Variants in RBM47 observed in about 807,000 individuals in gnomAD.
The protein encoded by RBM47 is RNA-binding protein 47.
Under a neutral mutation model 47.1 loss-of-function variants are expected in RBM47, and 21 were observed. That is an observed-to-expected ratio of 0.45 (90% CI 0.32 to 0.64). The LOEUF (loss-of-function observed/expected upper bound fraction) is 0.64, where lower values mean the gene tolerates loss of function less well. Among genes scored for constraint, RBM47 ranks in the 30% least tolerant of loss-of-function variants. The probability of loss-of-function intolerance (pLI) is 0.05; values close to 1 mark genes in which losing one functional copy is unlikely to be tolerated. For synonymous variants in RBM47, 375 were observed against 361.7 expected (o/e 1.04, Z -0.42); for missense variants, 708 against 870.9 (o/e 0.81, Z 2.35).
rs548035770 is a variant in RBM47 at position 40,456,685 on chromosome 4, CCTCTCAGG to C, written c.-32+9884_-32+9891del. Among the ~76,000 whole-genome samples, 348 of 151,082 alleles carry C rather than the reference CCTCTCAGG, an allele frequency of 2.3e-3. 1 individual carries two copies. The highest frequency in any genetic ancestry group is 3.6e-3 in the Non-Finnish European group (246 of 67,840). Reference sequence around the variant, plus strand: ...GGCTCAAGCAATCCTCCTACCTCGACCTCTCAGGCTCAAGGGATCCTCTCACCTCAGCC... The same window carrying C: ...GGCTCAAGCAATCCTCCTACCTCGACCTCAAGGGATCCTCTCACCTCAGCC... On this transcript the variant is annotated intron_variant, in intron 3 of 6. Coordinates refer to ENST00000295971, the MANE Select transcript of RBM47 (RefSeq NM_001098634.2).
At chr4:40,592,357 A>AT (rs1342111258) in intron 1 of RBM47, among the ~76,000 whole-genome samples, 1 of 150,352 alleles carries the variant, frequency 6.7e-6, no homozygotes, top group East Asian at 1.9e-4. Context: ...TGGACTCAGC[A>AT]GTCGTCCCAC....
rs151280250 is a variant in RBM47, at chr4:40,567,837, A to G, written c.-239-23331T>C. The stretch of plus-strand genomic sequence containing the variant: ...CAGAGGCCACAAATCTAATATCACA[A>G]TATCATTGATAAAGTTATGCTTTAT... On this transcript the variant is annotated intron_variant, in intron 1 of 6. Transcript: ENST00000295971. 2.6e-5 allele frequency among the ~76,000 whole-genome samples: 4 copies of G among 152,062 alleles called. No homozygotes were observed. In the East Asian group the frequency reaches 5.8e-4, roughly 22 times the overall value.
chr4:40,600,099 C>T (rs1043895087), intron 1 of RBM47, among the ~76,000 whole-genome samples: 1 of 152,064 alleles, frequency 6.6e-6, no homozygotes, highest in Admixed American at 6.6e-5. Context: ...CCTTGACCTC[C>T]TGGGCTCAAA....
chr4:40,518,158 CTTTTTTTTTTTTTTTTTTTTT>C (rs530465415), intron 2 of RBM47, among the ~76,000 whole-genome samples: 1 of 70,682 alleles, frequency 1.4e-5, no homozygotes, highest in African/African-American at 5.3e-5. Flanking sequence ...CTTTTCTTTT[CTTTTTTTTTTTTTTTTTTTTT>C]TTTTTTTGAG....
chr4:40,528,910 T>A (rs2154258713), intron 2 of RBM47, among the ~76,000 whole-genome samples: 1 of 151,280 alleles, frequency 6.6e-6, no homozygotes, highest in East Asian at 2.0e-4. Flanking sequence ...GCCACTGCAC[T>A]CCAGCCTGGG....
chr4:40,513,190 G>A (rs1396068843), intron 2 of RBM47, among the ~76,000 whole-genome samples: 3 of 152,124 alleles, frequency 2.0e-5, no homozygotes, highest in Non-Finnish European at 4.4e-5. Flanking sequence ...TCTTCCAGCC[G>A]TTTTCAAATG....
At chr4:40,531,193 T>TA (rs1184044553) in intron 2 of RBM47, among the ~76,000 whole-genome samples, 1 of 151,864 alleles carries the variant, frequency 6.6e-6, no homozygotes. Context: ...CGATGCAGAT[T>TA]AAAAAAGGTG....
chr4:40,577,030 T>C (rs767284938), intron 1 of RBM47, among the ~76,000 whole-genome samples: 2 of 152,158 alleles, frequency 1.3e-5, no homozygotes, highest in Non-Finnish European at 2.9e-5. Context: ...AAAAAGGAGT[T>C]GCTCAAATAA....
Position 40,466,348 on chromosome 4 carries a change from CAT to C in RBM47, c.-32+227_-32+228del, listed in dbSNP as rs533661490. 2.1e-4 allele frequency among the ~76,000 whole-genome samples: 31 copies of C among 147,178 alleles called. No homozygotes were observed. In the East Asian group the frequency reaches 6.0e-3, roughly 28 times the overall value. On this transcript the variant is annotated intron_variant, in intron 3 of 6. Transcript: ENST00000295971. ...TTAAGGGTCAGATTTATAAGCAACA[CAT>C]AGTTATATCTTGTCTCTTAAGTCAC...
At chr4:40,615,844 G>A (rs925147886) in intron 1 of RBM47, among the ~76,000 whole-genome samples, 1 of 152,112 alleles carries the variant, frequency 6.6e-6, no homozygotes, top group Non-Finnish European at 1.5e-5. Flanking sequence ...TTTGGAAACT[G>A]AACCATCTTA....
intron 1 of RBM47, among the ~76,000 whole-genome samples, chr4:40,569,230 C>T (rs1308898275): frequency 6.6e-6 from 1 of 151,704 alleles, no homozygotes; most frequent in African/African-American, 2.4e-5. Flanking sequence ...CAGAGAATAC[C>T]ATAGAGTGAA....
intron 2 of RBM47, among the ~76,000 whole-genome samples, chr4:40,541,332 G>C (rs1414787075): frequency 6.6e-6 from 1 of 151,778 alleles, no homozygotes; most frequent in Non-Finnish European, 1.5e-5. Context: ...GAGAAGGCCA[G>C]TTCCATGGAA....
In RBM47 at chr4:40,628,714, C is replaced by T. The variant is rs933462802; in HGVS notation, c.-240+682G>A. Among the ~76,000 whole-genome samples the T allele has an allele frequency of 6.6e-6, 1 of 151,990 alleles. No homozygotes were observed. Among genetic ancestry groups the T allele is most frequent in the African/African-American group, 2.4e-5 (1 of 41,364 alleles). On this transcript the variant is annotated intron_variant, in intron 1 of 6. Transcript: ENST00000295971. The surrounding 1 kb of genome is among the most constrained non-coding windows in gnomAD (Gnocchi z 4.0). The stretch of plus-strand genomic sequence containing the variant: ...CAGGTCGGTAATGGCCTGTAAGTAC[C>T]TTGAAGATGGTATCTTCCTATCACT...
chr4:40,503,717 G>C lies in RBM47; in HGVS notation c.-154-37018C>G, dbSNP rs967299824. ...TGGAAAGCATGGAAGAGCCTAAGAGGGGGGAGAGAAGAATATATGTAAATA... is the reference window on the plus strand; with the variant it reads ...TGGAAAGCATGGAAGAGCCTAAGAGCGGGGAGAGAAGAATATATGTAAATA... On this transcript the variant is annotated intron_variant, in intron 2 of 6. Transcript: ENST00000295971. Among the ~76,000 whole-genome samples, 8 of 151,966 alleles carry C rather than the reference G, an allele frequency of 5.3e-5. No homozygotes were observed. In the South Asian group the frequency reaches 6.2e-4, roughly 12 times the overall value.
intron 2 of RBM47, among the ~76,000 whole-genome samples, chr4:40,500,364 C>T (rs1398812920): frequency 6.6e-6 from 1 of 152,108 alleles, no homozygotes; most frequent in East Asian, 1.9e-4. Context: ...GTAATCCCAG[C>T]ACTTCGGGAG....
chr4:40,582,362 C>T (rs905802373), intron 1 of RBM47, among the ~76,000 whole-genome samples: 7 of 152,068 alleles, frequency 4.6e-5, no homozygotes, highest in Non-Finnish European at 1.0e-4. Flanking sequence ...GGTAAAACCC[C>T]GACTCTACCA....
chr4:40,454,422 G>C (rs923733101), intron 3 of RBM47, among the ~76,000 whole-genome samples: 6 of 152,138 alleles, frequency 3.9e-5, no homozygotes, highest in Non-Finnish European at 8.8e-5. Context: ...TTAGAATGAA[G>C]CTAAGTAAGG....
In RBM47 at chr4:40,501,185, G is replaced by A. The variant is rs532635262; in HGVS notation, c.-154-34486C>T. 2.1e-3 allele frequency among the ~76,000 whole-genome samples: 319 copies of A among 152,282 alleles called. 1 individual carries two copies. Among genetic ancestry groups the A allele is most frequent in the African/African-American group, 6.9e-3 (286 of 41,556 alleles). The stretch of plus-strand genomic sequence containing the variant: ...TAAAATAAAACATAGGAAAACAGTC[G>A]CAGTTTTAATTTAAGCATAATCTAA... On this transcript the variant is annotated intron_variant, in intron 2 of 6. Transcript: ENST00000295971.
At chr4:40,434,149 T>C (rs1180863689) in intron 5 of RBM47, among the ~76,000 whole-genome samples, 2 of 151,998 alleles carry the variant, frequency 1.3e-5, no homozygotes, top group African/African-American at 4.8e-5. Flanking sequence ...CAATCAAAGG[T>C]AAAGAGACAA....
Sources: gnomAD v4.1 joint callset for allele counts (sites outside exome capture counted in the v4.1 genomes callset) on GRCh38, gnomAD v4.1.1 for gene constraint, Gnocchi (gnomAD v3.1) non-coding constraint, MANE v1.5 for transcripts, NCBI Gene and HGNC (gene_info 2026-07-23, HGNC 2026-07-21) for gene names.